Variants in TFDP2 observed in about 807,000 individuals in gnomAD.
The protein encoded by TFDP2 is transcription factor Dp-2 (E2F dimerization partner 2).
A neutral mutation model predicts 59.3 loss-of-function variants in TFDP2; 17 were observed. The observed-to-expected ratio is 0.29, with a 90% CI of 0.20 to 0.43. TFDP2 has a LOEUF of 0.43. Among genes scored for constraint, TFDP2 ranks in the 20% least tolerant of loss-of-function variants. TFDP2 has a pLI of 1.00. For missense variants in TFDP2, 391 were observed against 528.8 expected (o/e 0.74, Z 2.56); for synonymous variants, 180 against 194.7 (o/e 0.92, Z 0.63).
chr3:142,068,714 A>G (rs964746648), intron 3 of TFDP2, among the ~76,000 whole-genome samples: 4 of 151,696 alleles, frequency 2.6e-5, no homozygotes, highest in African/African-American at 9.7e-5. Flanking sequence ...CTACAGGTAC[A>G]CACCACCACC....
At chr3:142,020,459 C>T (rs1053342761) in intron 3 of TFDP2, among the ~76,000 whole-genome samples, 5 of 150,978 alleles carry the variant, frequency 3.3e-5, no homozygotes, top group Non-Finnish European at 5.9e-5. Flanking sequence ...TGCTTGCACT[C>T]GGGAAGTGGA....
At chr3:141,972,264 T>C (rs112631122) in intron 8 of TFDP2, among the ~76,000 whole-genome samples, 1 of 152,328 alleles carries the variant, frequency 6.6e-6, no homozygotes, top group Non-Finnish European at 1.5e-5. Context: ...GCACTGATTG[T>C]ACCTCTAAAA....
chr3:142,071,649 C>G (rs751720215), intron 3 of TFDP2, among the ~76,000 whole-genome samples: 25 of 152,166 alleles, frequency 1.6e-4, no homozygotes, highest in Non-Finnish European at 3.1e-4. Context: ...TGACCTATTA[C>G]AGCAGCAGTG....
At chr3:141,973,758 A>G (rs1940199936) in intron 8 of TFDP2, among the ~76,000 whole-genome samples, 1 of 149,554 alleles carries the variant, frequency 6.7e-6, no homozygotes, top group African/African-American at 2.5e-5. Context: ...AAAGTTTATT[A>G]GTAGAGTGCT....
intron 3 of TFDP2, among the ~76,000 whole-genome samples, chr3:142,084,776 A>G (rs2060754469): frequency 6.6e-6 from 1 of 152,196 alleles, no homozygotes; most frequent in African/African-American, 2.4e-5. Flanking sequence ...AACTAAAACA[A>G]TTGAACACGT....
chr3:141,964,109 AAAC>A, intron 9 of TFDP2, 146 bp from the exon 10 acceptor site: 2 of 714,322 alleles, frequency 2.8e-6, no homozygotes, highest in Non-Finnish European at 4.4e-6. Flanking sequence ...TTAAAAAATT[AAAC>A]ATTTAAGAAA....
At position 141,952,273 on chromosome 3, in the gene TFDP2, A is replaced by C. The variant is rs1421792238; in HGVS notation, c.*240T>G. ...GGATTATCCCCACTATCTCCTCAGA[A>C]AGCATGCTTTCTTTGTTATATCATC... On this transcript the variant is annotated 3_prime_UTR_variant, in exon 13 of 13. Transcript: ENST00000489671. 5.4e-6 allele frequency: 2 copies of C among 373,800 alleles called. No homozygotes were observed. Among genetic ancestry groups the C allele is most frequent in the Non-Finnish European group, 9.4e-6 (2 of 213,046 alleles). 23.2% of individuals were successfully genotyped at this position (373,800 alleles called of 1,614,324 possible). A position where few individuals can be genotyped will look rare whatever the true frequency, so the allele number is the denominator to read the frequency against.
At chr3:142,083,730 G>A (rs1033231426) in intron 3 of TFDP2, among the ~76,000 whole-genome samples, 3 of 151,876 alleles carry the variant, frequency 2.0e-5, no homozygotes, top group Admixed American at 2.0e-4. Context: ...TTTCCACAAA[G>A]GTGCCAACAA....
At chr3:141,971,616 C>T (rs1457088567) in intron 8 of TFDP2, among the ~76,000 whole-genome samples, 1 of 151,882 alleles carries the variant, frequency 6.6e-6, no homozygotes, top group East Asian at 1.9e-4. Flanking sequence ...CTAAGCTCAA[C>T]AGACCAAACA....
Position 141,951,026 on chromosome 3 carries a change from T to C in TFDP2, c.*1487A>G, listed in dbSNP as rs544278020. 2 of 152,314 alleles carry C rather than the reference T, an allele frequency of 1.3e-5. No homozygotes were observed. The highest frequency in any genetic ancestry group is 2.1e-4 in the South Asian group (1 of 4,822). 9.4% of individuals were successfully genotyped at this position (152,314 alleles called of 1,614,324 possible). A position where few individuals can be genotyped will look rare whatever the true frequency, so the allele number is the denominator to read the frequency against. ...CTCCTCACCATGCTCAGTGTTAGCA[T>C]GGTGGTGAGGCTATAAAGAGGCACC... is the stretch of plus-strand genomic sequence containing the variant. On this transcript the variant is annotated 3_prime_UTR_variant, in exon 13 of 13. Coordinates refer to ENST00000489671, the MANE Select transcript of TFDP2 (RefSeq NM_001178139.2).
chr3:142,076,936 G>C (rs2060478390), intron 3 of TFDP2, among the ~76,000 whole-genome samples: 1 of 152,188 alleles, frequency 6.6e-6, no homozygotes, highest in South Asian at 2.1e-4. Flanking sequence ...TGCTGAAAGA[G>C]GCACCAAAGA....
At chr3:142,000,340 C>T (rs140755064) in intron 4 of TFDP2, 1 of 702,436 alleles carries the variant, frequency 1.4e-6, no homozygotes, top group East Asian at 2.7e-5. Context: ...AAAGATGATG[C>T]CTTCTGGTTG....
chr3:141,946,716 G>C lies in TFDP2; in HGVS notation c.*5797C>G, dbSNP rs556009589. ...AAACGTTATAATTTATGTGGGTATTGAGCTTGAATTTTTTTTAATCATAAA... is the reference window on the plus strand; with the variant it reads ...AAACGTTATAATTTATGTGGGTATTCAGCTTGAATTTTTTTTAATCATAAA... On this transcript the variant is annotated 3_prime_UTR_variant, in exon 13 of 13. Coordinates refer to ENST00000489671, the MANE Select transcript of TFDP2 (RefSeq NM_001178139.2). 1 of 152,272 alleles carries C rather than the reference G, an allele frequency of 6.6e-6. No homozygotes were observed. The highest frequency in any genetic ancestry group is 1.9e-4 in the East Asian group (1 of 5,184). 9.4% of individuals were successfully genotyped at this position (152,272 alleles called of 1,614,324 possible). A position where few individuals can be genotyped will look rare whatever the true frequency, so the allele number is the denominator to read the frequency against.
At chr3:142,012,609 C>T (rs553009457) in intron 3 of TFDP2, among the ~76,000 whole-genome samples, 1 of 152,198 alleles carries the variant, frequency 6.6e-6, no homozygotes, top group Non-Finnish European at 1.5e-5. Context: ...AATACAAGCA[C>T]GTATTGCCAT....
rs2108379445 is a variant in TFDP2 at position 142,025,458 on chromosome 3, T to C, written c.83-19914A>G. Among the ~76,000 whole-genome samples, 3 of 152,346 alleles carry C rather than the reference T, an allele frequency of 2.0e-5. No homozygotes were observed. In the Middle Eastern group the frequency reaches 0.01, roughly 518 times the overall value. ...CTTGTTGCTGTTGCTGATACTGTTT[T>C]CCTTGTTAAGTAACTTATTGTCATG... On this transcript the variant is annotated intron_variant, in intron 3 of 12. Transcript: ENST00000489671.
chr3:142,091,235 G>GA (rs1413228779), intron 3 of TFDP2, among the ~76,000 whole-genome samples: 2 of 151,852 alleles, frequency 1.3e-5, no homozygotes, highest in East Asian at 3.9e-4. Flanking sequence ...TGTCATGTGG[G>GA]AAAAAAAATG....
chr3:141,988,819 T>A (rs879637913), intron 6 of TFDP2, among the ~76,000 whole-genome samples: 6 of 151,906 alleles, frequency 3.9e-5, no homozygotes, highest in Non-Finnish European at 7.4e-5. Flanking sequence ...CGCGCCACCA[T>A]GCCCAGCTAT....
intron 4 of TFDP2, among the ~76,000 whole-genome samples, chr3:141,996,779 T>TA (rs1943308897): frequency 6.6e-6 from 1 of 152,250 alleles, no homozygotes; most frequent in Non-Finnish European, 1.5e-5. Context: ...AGAGTCTGTT[T>TA]ATGTTTGACT....
At chr3:142,014,971 C>G (rs1423159714) in intron 3 of TFDP2, among the ~76,000 whole-genome samples, 1 of 152,144 alleles carries the variant, frequency 6.6e-6, no homozygotes, top group Non-Finnish European at 1.5e-5. Context: ...CCCAATTTTC[C>G]CCCACAATTC....
Sources: gnomAD v4.1 joint callset for allele counts (sites outside exome capture counted in the v4.1 genomes callset) on GRCh38, gnomAD v4.1.1 for gene constraint, MANE v1.5 for transcripts, NCBI Gene and HGNC (gene_info 2026-07-23, HGNC 2026-07-21) for gene names.